RPL38: variants seen among roughly 807,000 people sequenced by gnomAD.
RPL38 encodes the protein ribosomal protein L38.
RPL38 carries 2 observed loss-of-function variants against 12.8 expected under a neutral mutation model. The ratio of observed to expected loss-of-function variants is 0.16; its 90% CI spans 0.06 to 0.49. The LOEUF is 0.49. Among genes scored for constraint, RPL38 ranks in the 20% least tolerant of loss-of-function variants. RPL38 has a pLI of 0.96. For synonymous variants in RPL38, 42 were observed against 30.1 expected (o/e 1.39, Z -1.29); for missense variants, 52 against 79.8 (o/e 0.65, Z 1.33).
At chr17:74,203,788 C>T in intron 1 of RPL38, 43 bp downstream of exon 1, 1 of 821,782 alleles carries the variant, frequency 1.2e-6, no homozygotes, top group South Asian at 1.8e-5. Context: ...CTGGGGACCC[C>T]AGGTCCGCGT....
intron 3 of RPL38, chr17:74,206,175 T>TA (rs1344611886): frequency 6.6e-6 from 1 of 152,152 alleles, no homozygotes; most frequent in African/African-American, 2.4e-5. Context: ...GCGTAAAAGT[T>TA]ACCATTTACA....
rs1567805568 is a variant in RPL38, at chr17:74,210,518, C to T, written c.*689C>T. On this transcript the variant is annotated 3_prime_UTR_variant, in exon 5 of 5. Coordinates refer to ENST00000311111, the MANE Select transcript of RPL38 (RefSeq NM_000999.4). Reference sequence around the variant, plus strand: ...CAGTTGGAAAATAGCCATATTAACACCTCTTTCATTGGCTTGCTGTCAGGG... The same window carrying T: ...CAGTTGGAAAATAGCCATATTAACATCTCTTTCATTGGCTTGCTGTCAGGG... 2.0e-5 allele frequency: 3 copies of T among 152,252 alleles called. No individual in the cohort carries two copies. Among genetic ancestry groups the T allele is most frequent in the South Asian group, 2.1e-4 (1 of 4,824 alleles). The allele number at this position is 152,252 out of a possible 1,614,324, so 9.4% of individuals were successfully genotyped here. A position where few individuals can be genotyped will look rare whatever the true frequency, so the allele number is the denominator to read the frequency against.
In RPL38 at chr17:74,209,978, CT is replaced by C. The variant is rs58720199; in HGVS notation, c.*168del. ...GGGTTCTGTTGCTGCCTTCCTGTGT[CT>C]TTTTTTTTTTTTTTTTTTCTTTCTT... is the stretch of plus-strand genomic sequence containing the variant. On this transcript the variant is annotated 3_prime_UTR_variant, in exon 5 of 5. Transcript: ENST00000311111. 85,043 of 354,748 alleles carry C rather than the reference CT, an allele frequency of 0.24. 1,591 individuals carry two copies. Among genetic ancestry groups the C allele is most frequent in the Middle Eastern group, 0.3 (531 of 1,758 alleles). 22.0% of individuals were successfully genotyped at this position (354,748 alleles called of 1,614,324 possible).
intron 4 of RPL38, 91 bp from the exon 5 acceptor site, chr17:74,209,713 T>C (rs2050147363): frequency 1.8e-6 from 2 of 1,081,150 alleles, no homozygotes; most frequent in African/African-American, 1.6e-5. Context: ...GAACCTTGTG[T>C]GCTCTCTTTA....
In RPL38 at chr17:74,203,719, C is replaced by G. The variant is rs561668055; in HGVS notation, c.-65C>G. 8 of 597,126 alleles carry G rather than the reference C, an allele frequency of 1.3e-5. No homozygotes were observed. The highest frequency in any genetic ancestry group is 2.4e-5 in the Non-Finnish European group (8 of 334,240). The allele number at this position is 597,126 out of a possible 1,614,324, so 37.0% of individuals were successfully genotyped here. A position where few individuals can be genotyped will look rare whatever the true frequency, so the allele number is the denominator to read the frequency against. ...CCCGGTTGCTGCTTGCTGTGAGTGT[C>G]TCTAGGGTGATACGTGGGTGAGAAA... On this transcript the variant is annotated 5_prime_UTR_variant, in exon 1 of 5. Coordinates refer to ENST00000311111, the MANE Select transcript of RPL38 (RefSeq NM_000999.4).
intron 3 of RPL38, chr17:74,205,304 C>T (rs1013584648): frequency 6.6e-6 from 1 of 152,138 alleles, no homozygotes; most frequent in Non-Finnish European, 1.5e-5. Flanking sequence ...ACCCAGTCAT[C>T]TTTTTTCAGC....
At position 74,206,726 on chromosome 17, in the gene RPL38, T is replaced by TTC. The variant is rs1555594582; in HGVS notation, c.65-2460_65-2459insCT. On this transcript the variant is annotated intron_variant, in intron 3 of 4. Coordinates refer to ENST00000311111, the MANE Select transcript of RPL38 (RefSeq NM_000999.4). ...TTTCTTTCTTTTTTTTTTTTTTTTT[T>TTC]TTTTGACATGGAATGTCACTCTGTT... Among the ~76,000 whole-genome samples, 441 of 145,306 alleles carry TTC rather than the reference T, an allele frequency of 3.0e-3. 3 individuals are homozygous for TTC. Among genetic ancestry groups the TTC allele is most frequent in the African/African-American group, 0.011 (421 of 38,080 alleles).
At position 74,203,905 on chromosome 17, in the gene RPL38, C is replaced by T. The variant is rs551424198; in HGVS notation, c.-38-13C>T. On this transcript the variant is annotated splice_polypyrimidine_tract_variant and intron_variant, in intron 1 of 4. Transcript: ENST00000311111. ...CCCCGCGCCGTGTTAACGCCGAGGA[C>T]TGTTTCCCGCAGGTCCTGGTCCGCG... The T allele has an allele frequency of 1.1e-5, 18 of 1,580,268 alleles. No homozygotes were observed. The highest frequency in any genetic ancestry group is 4.5e-5 in the East Asian group (2 of 44,044).
At position 74,203,678 on chromosome 17, in the gene RPL38, C is replaced by G. The variant is rs538086588; in HGVS notation, c.-106C>G. ...ACTGCCCGGAAACGGAAGTCTCGTT[C>G]TTTTTCGTCCTTTTCCCCGGTTGCT... is the stretch of plus-strand genomic sequence containing the variant. On this transcript the variant is annotated 5_prime_UTR_variant, in exon 1 of 5. Coordinates refer to ENST00000311111, the MANE Select transcript of RPL38 (RefSeq NM_000999.4). 1.8e-5 allele frequency: 9 copies of G among 508,118 alleles called. No homozygotes were observed. Among genetic ancestry groups the G allele is most frequent in the African/African-American group, 1.5e-4 (8 of 52,036 alleles). 31.5% of individuals were successfully genotyped at this position (508,118 alleles called of 1,614,324 possible).
chr17:74,204,052 G>A (rs779583070), intron 2 of RPL38, 78 bp from the exon 3 acceptor site: 1 of 1,611,732 alleles, frequency 6.2e-7, no homozygotes, highest in Non-Finnish European at 8.5e-7. Flanking sequence ...CCTGAGGCCG[G>A]GAGAAGCTGG....
Position 74,209,910 on chromosome 17 carries a change from G to A in RPL38, c.*81G>A. On this transcript the variant is annotated 3_prime_UTR_variant, in exon 5 of 5. Coordinates refer to ENST00000311111, the MANE Select transcript of RPL38 (RefSeq NM_000999.4). ...CTTTCGTCTTTGCGGATGGGAAAGG[G>A]AAAAATGCTACCTCGTAGTGGCTTC... 8.2e-7 allele frequency: 1 copy of A among 1,213,486 alleles called. No individual in the cohort carries two copies. The highest frequency in any genetic ancestry group is 1.7e-5 in the Admixed American group (1 of 58,614). 75.2% of individuals were successfully genotyped at this position (1,213,486 alleles called of 1,614,324 possible).
chr17:74,208,092 G>A (rs1458027455), intron 3 of RPL38, among the ~76,000 whole-genome samples: 3 of 152,200 alleles, frequency 2.0e-5, no homozygotes, highest in Non-Finnish European at 4.4e-5. Context: ...AGTGCTGTGT[G>A]CTGTGTCTGG....
chr17:74,209,976 GTCTT>G lies in RPL38; in HGVS notation c.*149_*152del, dbSNP rs1339280688. ...GCGGGTTCTGTTGCTGCCTTCCTGT[GTCTT>G]TTTTTTTTTTTTTTTTTCTTTCTTT... is the stretch of plus-strand genomic sequence containing the variant. On this transcript the variant is annotated 3_prime_UTR_variant, in exon 5 of 5. Transcript: ENST00000311111. 4 of 414,232 alleles carry G rather than the reference GTCTT, an allele frequency of 9.7e-6. No homozygotes were observed. Among genetic ancestry groups the G allele is most frequent in the African/African-American group, 8.0e-5 (3 of 37,308 alleles). 25.7% of individuals were successfully genotyped at this position (414,232 alleles called of 1,614,324 possible).
At chr17:74,207,809 T>C (rs2050129034) in intron 3 of RPL38, among the ~76,000 whole-genome samples, 1 of 152,206 alleles carries the variant, frequency 6.6e-6, no homozygotes, top group South Asian at 2.1e-4. Context: ...CCCAACTGAA[T>C]AAACATTTTG....
At chr17:74,204,397 G>C in intron 3 of RPL38, 2 of 583,290 alleles carry the variant, frequency 3.4e-6, no homozygotes, top group Non-Finnish European at 3.1e-6. Flanking sequence ...ACCATCTTTA[G>C]CTAATCGCGA....
intron 3 of RPL38, chr17:74,204,458 A>G (rs546672772): frequency 4.1e-4 from 195 of 473,910 alleles, no homozygotes; most frequent in Non-Finnish European, 6.3e-4. Context: ...AATATAGTAA[A>G]TTGTCGGAAC....
At position 74,209,868 on chromosome 17, in the gene RPL38, C is replaced by T. The variant is rs1316725410; in HGVS notation, c.*39C>T. ...ATTGGAACTGTATTATATTAAAATA[C>T]TAAAAATCCTAAGTGTCTTTCGTCT... On this transcript the variant is annotated 3_prime_UTR_variant, in exon 5 of 5. Transcript: ENST00000311111. The T allele has an allele frequency of 3.2e-6, 5 of 1,539,524 alleles. No homozygotes were observed. Among genetic ancestry groups the T allele is most frequent in the Non-Finnish European group, 3.6e-6 (4 of 1,115,536 alleles).
At chr17:74,204,214 A>C in intron 3 of RPL38, 24 bp downstream of exon 3, 2 of 1,611,866 alleles carry the variant, frequency 1.2e-6, no homozygotes, top group South Asian at 2.2e-5. Context: ...CCGAAGGTTC[A>C]AGAAGAGCGG....
At chr17:74,207,632 C>T (rs1479717251) in intron 3 of RPL38, among the ~76,000 whole-genome samples, 1 of 152,032 alleles carries the variant, frequency 6.6e-6, no homozygotes, top group Non-Finnish European at 1.5e-5. Context: ...GTTCTCCTGC[C>T]TCAGCCTCCT....
Sources: allele counts gnomAD v4.1 joint callset (sites outside exome capture counted in the v4.1 genomes callset), GRCh38; gene constraint gnomAD v4.1.1; transcripts MANE v1.5; gene names NCBI Gene and HGNC (gene_info 2026-07-23, HGNC 2026-07-21).